Variants in TUBB8 observed in about 807,000 individuals in gnomAD.
The protein encoded by TUBB8 is tubulin beta 8 class VIII, also known as tubulin beta-8 chain.
In TUBB8, 25 loss-of-function variants were observed where a neutral mutation model predicts 33.7. The observed-to-expected ratio is 0.74, with a 90% CI of 0.54 to 1.04. The LOEUF is 1.04. TUBB8 is among the 50% of genes least tolerant of loss of function. The pLI, the probability that TUBB8 is intolerant of heterozygous loss-of-function variation, is 0.00. For synonymous variants in TUBB8, 245 were observed against 240.1 expected (o/e 1.02, Z -0.19); for missense variants, 279 against 608.0 (o/e 0.46, Z 5.69).
At chr10:74,156 T>A (rs1554742775) in exon 1 of TUBB8, 1 of 145,268 alleles carries the variant, frequency 6.9e-6, no homozygotes, top group Non-Finnish European at 1.5e-5. Context: ...GACGCCGCCG[T>A]GCGGTTCGGA....
chr10:65,336 A>T (rs1834657090), intron 1 of TUBB8, among the ~76,000 whole-genome samples: 1 of 152,228 alleles, frequency 6.6e-6, no homozygotes, highest in Non-Finnish European at 1.5e-5. Context: ...ACCCATACCC[A>T]ATCCCATCCG....
chr10:51,755 C>T (rs372720480), upstream of TUBB8, among the ~76,000 whole-genome samples: 4 of 150,776 alleles, frequency 2.7e-5, no homozygotes, highest in African/African-American at 9.9e-5. Context: ...CTGCCCTTTA[C>T]CTTCTAGGAC....
At chr10:56,771 C>T (rs1554740193) in intron 1 of TUBB8, among the ~76,000 whole-genome samples, 1 of 152,150 alleles carries the variant, frequency 6.6e-6, no homozygotes, top group Admixed American at 6.5e-5. Context: ...GGAACACACA[C>T]CTAAACTATA....
In TUBB8 at chr10:69,586, T is replaced by C. The variant is rs1201836473; in HGVS notation, c.-846+4383A>G. ...TTAGGAAAGAAAAACGAAATCTCAG[T>C]GTTGAACGAAAGGCAAATGGCGTAA... On this transcript the variant is annotated intron_variant, in intron 1 of 3. Transcript: ENST00000564130. Among the ~76,000 whole-genome samples the C allele has an allele frequency of 3.9e-5, 6 of 152,248 alleles. No individual in the cohort carries two copies. The East Asian group carries it at 1.2e-3, about 29-fold the overall frequency.
chr10:65,598 G>A (rs1461453403), intron 1 of TUBB8, among the ~76,000 whole-genome samples: 4 of 152,210 alleles, frequency 2.6e-5, no homozygotes, highest in Non-Finnish European at 5.9e-5. Context: ...GGTGGCGGGA[G>A]CCTGTAATCC....
chr10:62,259 G>A (rs1410857851), intron 1 of TUBB8, among the ~76,000 whole-genome samples: 1 of 152,084 alleles, frequency 6.6e-6, no homozygotes, highest in Non-Finnish European at 1.5e-5. Flanking sequence ...TACATCTGTG[G>A]TATGCTTTTT....
chr10:48,367 C>G lies in TUBB8; in HGVS notation c.277+248G>C, dbSNP rs540981879. On this transcript the variant is annotated intron_variant, in intron 3 of 3. Coordinates refer to ENST00000568584, the MANE Select transcript of TUBB8 (RefSeq NM_177987.3). ...GGCTCCTGCCCATTCTCAGGAAAGG[C>G]AGTAGCCACGGCCCCAGCTCAGGTT... 86 of 630,250 alleles carry G rather than the reference C, an allele frequency of 1.4e-4. No homozygotes were observed. In the African/African-American group the frequency reaches 1.5e-3, roughly 11 times the overall value. The allele number at this position is 630,250 out of a possible 1,614,324, so 39.0% of individuals were successfully genotyped here.
In TUBB8 at chr10:49,269, A is replaced by G. The variant is rs776449844; in HGVS notation, c.-31T>C. On this transcript the variant is annotated 5_prime_UTR_variant, in exon 1 of 4. Transcript: ENST00000568584. The stretch of plus-strand genomic sequence containing the variant: ...AGGCGGGATTAGGACGGCAGGAGAA[A>G]CGTGAGAAGGAGGAGCAGACGCGCA... 1.6e-3 allele frequency: 2,511 copies of G among 1,572,814 alleles called. 10 individuals carry two copies. Among genetic ancestry groups the G allele is most frequent in the Middle Eastern group, 6.2e-3 (29 of 4,680 alleles).
At chr10:66,149 A>G (rs1468124850) in intron 1 of TUBB8, among the ~76,000 whole-genome samples, 1 of 152,222 alleles carries the variant, frequency 6.6e-6, no homozygotes, top group African/African-American at 2.4e-5. Flanking sequence ...AATAGGAGAG[A>G]AAAAGAAGTA....
chr10:47,270 G>A lies in TUBB8; in HGVS notation c.1122C>T (p.Ile374=). 6.2e-7 allele frequency: 1 copy of A among 1,613,800 alleles called. No individual in the cohort carries two copies. Among genetic ancestry groups the A allele is most frequent in the Non-Finnish European group, 8.5e-7 (1 of 1,180,008 alleles). Residue 374 remains isoleucine (I), a synonymous_variant, in exon 4 of 4, where the codon ATC becomes ATT. Coordinates refer to ENST00000568584, the MANE Select transcript of TUBB8 (RefSeq NM_177987.3). ...SATFIGNNTA[I]QELFKRVSEQ... is the part of the protein sequence containing the mutation. ...CTGAGACACGCTTGAAGAGTTCCTG[G>A]ATGGCCGTATTATTCCCAATGAAGG...
chr10:67,911 A>T (rs1834691460), intron 1 of TUBB8, among the ~76,000 whole-genome samples: 1 of 152,240 alleles, frequency 6.6e-6, no homozygotes, highest in South Asian at 2.1e-4. Context: ...CTGGAACTAC[A>T]TATGCGTGCA....
At chr10:75,196 T>TA (rs1348993887), upstream of TUBB8, among the ~76,000 whole-genome samples, 5 of 150,556 alleles carry the variant, frequency 3.3e-5, no homozygotes, top group Middle Eastern at 3.4e-3. Flanking sequence ...TTTTTTTTTT[T>TA]AAATTAGCTG....
At chr10:52,119 CTCTAA>C (rs1200342448), upstream of TUBB8, among the ~76,000 whole-genome samples, 1 of 152,224 alleles carries the variant, frequency 6.6e-6, no homozygotes, top group African/African-American at 2.4e-5. Context: ...TGGGCTTGGC[CTCTAA>C]TCTGAGTATG....
At chr10:64,359 C>T (rs185646461) in intron 1 of TUBB8, among the ~76,000 whole-genome samples, 51 of 149,488 alleles carry the variant, frequency 3.4e-4, no homozygotes, top group Admixed American at 2.9e-3. Context: ...TAACCCTAAC[C>T]CCCAACCCCA....
chr10:64,478 C>T (rs554019603), intron 1 of TUBB8, among the ~76,000 whole-genome samples: 1 of 152,094 alleles, frequency 6.6e-6, no homozygotes, highest in South Asian at 2.1e-4. Flanking sequence ...AACCCCAACA[C>T]TAACCCCTAA....
At position 49,204 on chromosome 10, in the gene TUBB8, C is replaced by A; in HGVS notation, c.35G>T (p.Cys12Phe). ...AACCTTGGCGCCGATCTGATTCCCGCACTGCCCGATCTGCGTGAGCACGAT... is the reference window on the plus strand; with the variant it reads ...AACCTTGGCGCCGATCTGATTCCCGAACTGCCCGATCTGCGTGAGCACGAT... ...REIVLTQIGQ[C>F]GNQIGAKFWE... The change falls in exon 1 of 4, where the codon TGC becomes TTC. Residue 12 changes from cysteine (C) to phenylalanine (F), a missense_variant. Cys to Phe is a radical substitution (Grantham distance 205, BLOSUM62 -2). Coordinates refer to ENST00000568584, the MANE Select transcript of TUBB8 (RefSeq NM_177987.3). The A allele has an allele frequency of 6.3e-7, 1 of 1,580,694 alleles. No homozygotes were observed. The highest frequency in any genetic ancestry group is 8.6e-7 in the Non-Finnish European group (1 of 1,164,114).
At position 48,107 on chromosome 10, in the gene TUBB8, A is replaced by C. The variant is rs1834389480; in HGVS notation, c.285T>G (p.Cys95Trp). The change falls in exon 4 of 4, where the codon TGT becomes TGG. Residue 95 changes from cysteine to tryptophan, a missense_variant. This residue lies in a region of TUBB8 where 96 missense variants were observed against 233.7 expected (regional missense o/e 0.41). Transcript: ENST00000568584. ...FRPDNFIFGQ[C>W]GAGNNWAKGH... ...CCTTGGCCCAGTTGTTTCCGGCCCC[A>C]CACTGACCTGTAAGACAGCACAGCC... is the stretch of plus-strand genomic sequence containing the variant. 1 of 1,613,136 alleles carries C rather than the reference A, an allele frequency of 6.2e-7. No individual in the cohort carries two copies. Among genetic ancestry groups the C allele is most frequent in the Admixed American group, 1.7e-5 (1 of 59,938 alleles).
At chr10:75,654 CAA>C (rs35362588), upstream of TUBB8, among the ~76,000 whole-genome samples, 13 of 93,494 alleles carry the variant, frequency 1.4e-4, no homozygotes, top group African/African-American at 2.2e-4. Context: ...GACTCTGTCT[CAA>C]AAAAAAAAAA....
chr10:51,692 C>G (rs1554739599), upstream of TUBB8, among the ~76,000 whole-genome samples: 1 of 151,586 alleles, frequency 6.6e-6, no homozygotes, highest in African/African-American at 2.4e-5. Flanking sequence ...TCTGGAGGGT[C>G]GGTCTAGCAA....
Sources: gnomAD v4.1 joint callset for allele counts (sites outside exome capture counted in the v4.1 genomes callset) on GRCh38, gnomAD v4.1.1 for gene constraint, gnomAD v4.1.1 regional missense constraint, MANE v1.5 for transcripts, NCBI Gene and HGNC (gene_info 2026-07-23, HGNC 2026-07-21) for gene names.